FHIT: variants seen among roughly 807,000 people sequenced by gnomAD.
FHIT encodes fragile histidine triad diadenosine triphosphatase, also known as bis(5'-adenosyl)-triphosphatase.
A neutral mutation model predicts 17.9 loss-of-function variants in FHIT; 19 were observed. The observed-to-expected ratio is 1.06, with a 90% CI of 0.74 to 1.56. The LOEUF (loss-of-function observed/expected upper bound fraction) is 1.56, where lower values mean the gene tolerates loss of function less well. FHIT is among the 40% of genes most tolerant of loss of function. The probability of loss-of-function intolerance (pLI) is 0.00; values close to 1 mark genes in which losing one functional copy is unlikely to be tolerated. For synonymous variants in FHIT, 81 were observed against 69.7 expected (o/e 1.16, Z -0.81); for missense variants, 248 against 189.2 (o/e 1.31, Z -1.82).
At chr3:60,309,897 T>A (rs1708862591) in intron 5 of FHIT, among the ~76,000 whole-genome samples, 1 of 152,144 alleles carries the variant, frequency 6.6e-6, no homozygotes, top group Non-Finnish European at 1.5e-5. Context: ...TATTACTTAC[T>A]ATAATTTTTA....
chr3:60,168,353 G>A (rs958365244), intron 5 of FHIT, among the ~76,000 whole-genome samples: 32 of 152,262 alleles, frequency 2.1e-4, no homozygotes, highest in Middle Eastern at 6.8e-3. Context: ...TATTAACAGC[G>A]TCCATGAGCC....
chr3:60,063,387 A>G (rs1184382128), intron 5 of FHIT, among the ~76,000 whole-genome samples: 2 of 152,208 alleles, frequency 1.3e-5, no homozygotes, highest in Non-Finnish European at 2.9e-5. Flanking sequence ...TAGCATATGG[A>G]GATTTCTTTA....
At chr3:60,472,443 A>G (rs2033136618) in intron 5 of FHIT, among the ~76,000 whole-genome samples, 4 of 145,980 alleles carry the variant, frequency 2.7e-5, no homozygotes, top group African/African-American at 1.0e-4. Flanking sequence ...ATCTCGGCTC[A>G]CTGCAAGCTC....
At chr3:60,433,650 TCA>T (rs2029938828) in intron 5 of FHIT, among the ~76,000 whole-genome samples, 1 of 152,136 alleles carries the variant, frequency 6.6e-6, no homozygotes, top group Non-Finnish European at 1.5e-5. Flanking sequence ...CGGTTCTGAT[TCA>T]CAGTTCCCTG....
intron 8 of FHIT, among the ~76,000 whole-genome samples, chr3:59,876,975 G>C (rs1434641341): frequency 1.3e-5 from 2 of 152,146 alleles, no homozygotes; most frequent in Non-Finnish European, 2.9e-5. Flanking sequence ...CATCAAAAGA[G>C]ACACATAAGA....
intron 5 of FHIT, among the ~76,000 whole-genome samples, chr3:60,092,034 C>T (rs1703754879): frequency 6.6e-6 from 1 of 152,150 alleles, no homozygotes; most frequent in Non-Finnish European, 1.5e-5. Flanking sequence ...CCACAGGCTC[C>T]ACTACTGGTG....
At chr3:60,795,083 A>G (rs1488182942) in intron 4 of FHIT, among the ~76,000 whole-genome samples, 2 of 152,216 alleles carry the variant, frequency 1.3e-5, no homozygotes, top group Admixed American at 6.5e-5. Flanking sequence ...AAATGTCGGT[A>G]TAATAGACAC....
intron 5 of FHIT, among the ~76,000 whole-genome samples, chr3:60,477,622 ATAT>A (rs1260060865): frequency 6.6e-6 from 1 of 152,220 alleles, no homozygotes; most frequent in Non-Finnish European, 1.5e-5. Context: ...AAATAATCAC[ATAT>A]TATTTTTCTG....
intron 4 of FHIT, among the ~76,000 whole-genome samples, chr3:60,595,554 T>C (rs1166661681): frequency 6.6e-6 from 1 of 151,406 alleles, no homozygotes; most frequent in South Asian, 2.1e-4. Flanking sequence ...TGTGTATATA[T>C]GGACATATGT....
At chr3:61,068,649 G>C (rs954553436) in intron 2 of FHIT, among the ~76,000 whole-genome samples, 4 of 152,086 alleles carry the variant, frequency 2.6e-5, no homozygotes, top group African/African-American at 9.7e-5. Context: ...TTAGGGTGTA[G>C]ATATCTTTGG....
chr3:61,077,695 C>A (rs1303629755), intron 2 of FHIT, among the ~76,000 whole-genome samples: 1 of 152,104 alleles, frequency 6.6e-6, no homozygotes, highest in Non-Finnish European at 1.5e-5. Context: ...TCTGGAAAGC[C>A]TTTTTCAAAG....
chr3:60,044,735 T>C (rs1437408556), intron 5 of FHIT, among the ~76,000 whole-genome samples: 2 of 152,138 alleles, frequency 1.3e-5, no homozygotes, highest in African/African-American at 4.8e-5. Flanking sequence ...TGTTACAAGC[T>C]TTCTTCTAAA....
intron 4 of FHIT, among the ~76,000 whole-genome samples, chr3:60,549,357 TC>T (rs1180814010): frequency 2.6e-5 from 4 of 152,190 alleles, no homozygotes; most frequent in African/African-American, 9.7e-5. Flanking sequence ...CTTTCATCTT[TC>T]TAAGCAATTT....
intron 5 of FHIT, among the ~76,000 whole-genome samples, chr3:60,421,431 T>A (rs1433562592): frequency 6.6e-6 from 1 of 152,152 alleles, no homozygotes; most frequent in Non-Finnish European, 1.5e-5. Context: ...CACAGATGTT[T>A]TCAGATCATT....
chr3:60,932,172 T>C (rs1707988457), intron 3 of FHIT, among the ~76,000 whole-genome samples: 1 of 152,220 alleles, frequency 6.6e-6, no homozygotes, highest in Non-Finnish European at 1.5e-5. Flanking sequence ...TTGTGCTAAG[T>C]GCTCTCCTTC....
At chr3:59,894,483 G>A (rs201998728) in intron 8 of FHIT, among the ~76,000 whole-genome samples, 1 of 151,688 alleles carries the variant, frequency 6.6e-6, no homozygotes. Flanking sequence ...GTTGTGGCTT[G>A]TCTTTTGCCC....
At chr3:60,146,976 G>C (rs185535266) in intron 5 of FHIT, among the ~76,000 whole-genome samples, 8 of 152,138 alleles carry the variant, frequency 5.3e-5, no homozygotes, top group Admixed American at 4.6e-4. Context: ...TTTATTAATA[G>C]AAGTGCTAAT....
At chr3:60,366,313 T>C (rs1228731977) in intron 5 of FHIT, among the ~76,000 whole-genome samples, 2 of 152,098 alleles carry the variant, frequency 1.3e-5, no homozygotes, top group Admixed American at 6.5e-5. Context: ...GTAGTAGAGA[T>C]AGGGTTTCAC....
intron 1 of FHIT, among the ~76,000 whole-genome samples, chr3:61,240,767 A>G (rs1204475071): frequency 1.3e-5 from 2 of 152,176 alleles, no homozygotes; most frequent in African/African-American, 4.8e-5. Context: ...ATTTTAACCC[A>G]TTGGGATTGC....
Sources: allele counts gnomAD v4.1 joint callset (sites outside exome capture counted in the v4.1 genomes callset), GRCh38; gene constraint gnomAD v4.1.1; transcripts MANE v1.5; gene names NCBI Gene and HGNC (gene_info 2026-07-23, HGNC 2026-07-21).